Variants in GRIN2B observed in about 807,000 individuals in gnomAD.
GRIN2B encodes the protein glutamate receptor ionotropic, NMDA 2B.
A neutral mutation model predicts 114.5 loss-of-function variants in GRIN2B; 5 were observed. The observed-to-expected ratio is 0.04, with a 90% CI of 0.02 to 0.09. The LOEUF is 0.09. Ranked by LOEUF, GRIN2B falls within the 10% of genes least tolerant of loss-of-function variation. The pLI, the probability that GRIN2B is intolerant of heterozygous loss-of-function variation, is 1.00. For synonymous variants in GRIN2B, 787 were observed against 745.1 expected (o/e 1.06, Z -0.92); for missense variants, 1,108 against 1,943.5 (o/e 0.57, Z 8.08).
rs73047408 is a variant in GRIN2B, at chr12:13,554,802, T to G, written c.*7981A>C. 6.6e-6 allele frequency: 1 copy of G among 152,116 alleles called. No individual in the cohort carries two copies. The highest frequency in any genetic ancestry group is 1.5e-5 in the Non-Finnish European group (1 of 68,014). The allele number at this position is 152,116 out of a possible 1,614,324, so 9.4% of individuals were successfully genotyped here. On this transcript the variant is annotated 3_prime_UTR_variant, in exon 14 of 14. Transcript: ENST00000609686. ...AGTAGGCTTTTCAAATTTTTAGATATGCAGGATGAAGAAAATGGAGGAGGC... is the reference window on the plus strand; with the variant it reads ...AGTAGGCTTTTCAAATTTTTAGATAGGCAGGATGAAGAAAATGGAGGAGGC...
chr12:13,548,487 C>T lies in GRIN2B; in HGVS notation c.*14296G>A. 1 of 152,072 alleles carries T rather than the reference C, an allele frequency of 6.6e-6. No individual in the cohort carries two copies. Among genetic ancestry groups the T allele is most frequent in the East Asian group, 1.9e-4 (1 of 5,164 alleles). 9.4% of individuals were successfully genotyped at this position (152,072 alleles called of 1,614,324 possible). A position where few individuals can be genotyped will look rare whatever the true frequency, so the allele number is the denominator to read the frequency against. On this transcript the variant is annotated 3_prime_UTR_variant, in exon 14 of 14. Transcript: ENST00000609686. Reference sequence around the variant, plus strand: ...ATCCTGCTATTTTCCCACCTCCCCCCCCCGATGAATATAGGTGTAGCAGAA... The same window carrying T: ...ATCCTGCTATTTTCCCACCTCCCCCTCCCGATGAATATAGGTGTAGCAGAA...
At position 13,557,594 on chromosome 12, in the gene GRIN2B, A is replaced by G. The variant is rs943479140; in HGVS notation, c.*5189T>C. The G allele has an allele frequency of 3.3e-5, 5 of 152,240 alleles. No individual in the cohort carries two copies. Among genetic ancestry groups the G allele is most frequent in the African/African-American group, 1.2e-4 (5 of 41,458 alleles). The allele number at this position is 152,240 out of a possible 1,614,324, so 9.4% of individuals were successfully genotyped here. The stretch of plus-strand genomic sequence containing the variant: ...GCCCTACAAGATACTGAATTTAGAA[A>G]TTCATAAATTATACACTCATATGAT... On this transcript the variant is annotated 3_prime_UTR_variant, in exon 14 of 14. Coordinates refer to ENST00000609686, the MANE Select transcript of GRIN2B (RefSeq NM_000834.5).
chr12:13,696,535 A>G (rs1950260874), intron 4 of GRIN2B, among the ~76,000 whole-genome samples: 1 of 152,166 alleles, frequency 6.6e-6, no homozygotes, highest in African/African-American at 2.4e-5. Flanking sequence ...AAAAGTTGCT[A>G]GAATCTACCT....
Position 13,699,490 on chromosome 12 carries a change from G to T in GRIN2B, c.1011-23631C>A, listed in dbSNP as rs563101155. Among the ~76,000 whole-genome samples the T allele has an allele frequency of 3.3e-5, 5 of 152,182 alleles. 1 individual carries two copies. The South Asian group carries it at 1.0e-3, about 32-fold the overall frequency. On this transcript the variant is annotated intron_variant, in intron 4 of 13. Transcript: ENST00000609686. ...CTGAAAAAAGATAGGGTTGGCAAAGGAAACTTGTCTGTTGAAAACCTACAA... is the reference window on the plus strand; with the variant it reads ...CTGAAAAAAGATAGGGTTGGCAAAGTAAACTTGTCTGTTGAAAACCTACAA...
At chr12:13,852,266 C>T (rs987443857) in intron 3 of GRIN2B, among the ~76,000 whole-genome samples, 1 of 152,138 alleles carries the variant, frequency 6.6e-6, no homozygotes, top group African/African-American at 2.4e-5. Context: ...GCCACCACCC[C>T]ACTTTGGGAA....
In GRIN2B at chr12:13,594,149, T is replaced by C. The variant is rs570791033; in HGVS notation, c.2010+14454A>G. Among the ~76,000 whole-genome samples the C allele has an allele frequency of 1.4e-3, 208 of 152,146 alleles. 1 individual carries two copies. The highest frequency in any genetic ancestry group is 4.7e-3 in the African/African-American group (195 of 41,544). On this transcript the variant is annotated intron_variant, in intron 10 of 13. Transcript: ENST00000609686. ...CAAGGATCTAGAACTAGAAATACCA[T>C]TTGACCCAGCAATCCCATTACTGGG...
chr12:13,740,282 T>C (rs1863257745), intron 4 of GRIN2B, among the ~76,000 whole-genome samples: 1 of 152,198 alleles, frequency 6.6e-6, no homozygotes, highest in Non-Finnish European at 1.5e-5. Context: ...AAAGCATCTG[T>C]GGACACTCCA....
At chr12:13,628,189 T>C (rs550578132) in intron 5 of GRIN2B, among the ~76,000 whole-genome samples, 44 of 152,344 alleles carry the variant, frequency 2.9e-4, no homozygotes, top group African/African-American at 9.1e-4. Context: ...TTGGCAGTTC[T>C]GTGTGCCTTG....
chr12:13,822,010 T>A (rs1444734957), intron 3 of GRIN2B, among the ~76,000 whole-genome samples: 1 of 152,176 alleles, frequency 6.6e-6, no homozygotes, highest in African/African-American at 2.4e-5. Context: ...ATATAAGGTA[T>A]CAAGTCAAAG....
At chr12:13,648,001 T>C (rs1201780507) in intron 5 of GRIN2B, among the ~76,000 whole-genome samples, 4 of 152,010 alleles carry the variant, frequency 2.6e-5, no homozygotes, top group Non-Finnish European at 4.4e-5. Context: ...TTGATGTGGA[T>C]TATAAAGGCT....
intron 3 of GRIN2B, among the ~76,000 whole-genome samples, chr12:13,804,118 C>T (rs1253118801): frequency 2.0e-5 from 3 of 150,784 alleles, no homozygotes; most frequent in African/African-American, 7.3e-5. Context: ...TTTGCCTCTC[C>T]TTTCTGATCT....
chr12:13,794,118 T>C lies in GRIN2B; in HGVS notation c.412-40203A>G, dbSNP rs149338689. ...CCTGTGGGAGGCTGAGACAGGAGGA[T>C]CGCTTGAGCTTGGGAGGTGGAGGTT... On this transcript the variant is annotated intron_variant, in intron 3 of 13. Transcript: ENST00000609686. Among the ~76,000 whole-genome samples, 19 of 140,614 alleles carry C rather than the reference T, an allele frequency of 1.4e-4. No homozygotes were observed. In the East Asian group the frequency reaches 3.7e-3, roughly 28 times the overall value. The allele number at this position is 140,614 out of a possible 152,430, so 92.2% of individuals were successfully genotyped here.
intron 3 of GRIN2B, among the ~76,000 whole-genome samples, chr12:13,839,211 G>A (rs1053563832): frequency 6.6e-6 from 1 of 152,210 alleles, no homozygotes; most frequent in Non-Finnish European, 1.5e-5. Flanking sequence ...CTGGCAGGCT[G>A]ATTTTCTATC....
At chr12:13,775,350 G>A (rs1490305197) in intron 3 of GRIN2B, among the ~76,000 whole-genome samples, 2 of 152,312 alleles carry the variant, frequency 1.3e-5, no homozygotes, top group African/African-American at 4.8e-5. Flanking sequence ...ATCATCTACA[G>A]GCTGTTTATT....
Position 13,885,035 on chromosome 12 carries a change from C to T in GRIN2B, c.-18-18809G>A, listed in dbSNP as rs180981410. Among the ~76,000 whole-genome samples the T allele has an allele frequency of 2.0e-3, 305 of 151,864 alleles. 4 individuals are homozygous for T. Among genetic ancestry groups the T allele is most frequent in the Admixed American group, 4.2e-3 (64 of 15,242 alleles). On this transcript the variant is annotated intron_variant, in intron 2 of 13. Coordinates refer to ENST00000609686, the MANE Select transcript of GRIN2B (RefSeq NM_000834.5). ...ACCTCCCAAAGAGGTTATAGCTATTCGTGTAGAAGATAATCAGGCCATAAA... is the reference window on the plus strand; with the variant it reads ...ACCTCCCAAAGAGGTTATAGCTATTTGTGTAGAAGATAATCAGGCCATAAA...
rs557678200 is a variant in GRIN2B at position 13,857,716 on chromosome 12, G to GACT, written c.411+8079_411+8081dup. Among the ~76,000 whole-genome samples the GACT allele has an allele frequency of 5.6e-4, 85 of 152,166 alleles. 1 individual carries two copies. In the East Asian group the frequency reaches 0.016, roughly 28 times the overall value. On this transcript the variant is annotated intron_variant, in intron 3 of 13. Transcript: ENST00000609686. ...CTGTCTGTTGACTACACTGTCTGTT[G>GACT]ACTAGCCCCAAAGCCATTCCCACTC... is the stretch of plus-strand genomic sequence containing the variant.
intron 3 of GRIN2B, among the ~76,000 whole-genome samples, chr12:13,821,028 C>T (rs1056321251): frequency 4.6e-5 from 7 of 152,014 alleles, no homozygotes; most frequent in Admixed American, 2.0e-4. Flanking sequence ...TACTTGCTAC[C>T]GTACAAAGTT....
At position 13,621,589 on chromosome 12, in the gene GRIN2B, G is replaced by GAA. The variant is rs11409702; in HGVS notation, c.1126-4934_1126-4933dup. 6.1e-3 allele frequency among the ~76,000 whole-genome samples: 516 copies of GAA among 85,222 alleles called. 18 individuals are homozygous for GAA. The highest frequency in any genetic ancestry group is 0.022 in the African/African-American group (477 of 21,742). 55.9% of individuals were successfully genotyped at this position (85,222 alleles called of 152,430 possible). A position where few individuals can be genotyped will look rare whatever the true frequency, so the allele number is the denominator to read the frequency against. Reference sequence around the variant, plus strand: ...AGGACCAAAATCATCTTTTTCAAGAGAAAAAAAAAATTGCCTAGTTTTTGT... The same window carrying GAA: ...AGGACCAAAATCATCTTTTTCAAGAGAAAAAAAAAAAATTGCCTAGTTTTTGT... On this transcript the variant is annotated intron_variant, in intron 5 of 13. Coordinates refer to ENST00000609686, the MANE Select transcript of GRIN2B (RefSeq NM_000834.5).
intron 10 of GRIN2B, among the ~76,000 whole-genome samples, chr12:13,574,456 G>T (rs563595790): frequency 6.6e-6 from 1 of 152,058 alleles, no homozygotes; most frequent in Non-Finnish European, 1.5e-5. Flanking sequence ...GATACTCTAG[G>T]GCCCAAGGTA....
Sources: allele counts gnomAD v4.1 joint callset (sites outside exome capture counted in the v4.1 genomes callset), GRCh38; gene constraint gnomAD v4.1.1; transcripts MANE v1.5; gene names NCBI Gene and HGNC (gene_info 2026-07-23, HGNC 2026-07-21).